CDH4: variants seen among roughly 807,000 people sequenced by gnomAD.
CDH4 encodes the protein cadherin 4, also known as cadherin-4.
In CDH4, 33 loss-of-function variants were observed where a neutral mutation model predicts 86.0. That is an observed-to-expected ratio of 0.38 (90% CI 0.29 to 0.51). The LOEUF is 0.51. Among genes scored for constraint, CDH4 ranks in the 20% least tolerant of loss-of-function variants. The pLI is 0.86. For missense variants in CDH4, 1,114 were observed against 1,307.4 expected, an observed-to-expected ratio of 0.85 and a Z score of 2.28; for synonymous variants, 555 against 549.4, an observed-to-expected ratio of 1.01 and a Z score of -0.14.
chr20:61,536,707 A>G (rs1224179583), intron 2 of CDH4, among the ~76,000 whole-genome samples: 4 of 152,250 alleles, frequency 2.6e-5, no homozygotes, highest in Non-Finnish European at 4.4e-5. Context: ...GCCTACATAC[A>G]TACATATACA....
chr20:61,626,078 C>G (rs1226270890), intron 2 of CDH4, among the ~76,000 whole-genome samples: 1 of 152,204 alleles, frequency 6.6e-6, no homozygotes, highest in Non-Finnish European at 1.5e-5. Context: ...GAGCACTTAC[C>G]GTGTGTCTGG....
intron 2 of CDH4, among the ~76,000 whole-genome samples, chr20:61,656,246 CGCGTGCTGGGGTGG>C (rs2087186438): frequency 1.1e-4 from 14 of 127,312 alleles, no homozygotes; most frequent in East Asian, 2.6e-4. Context: ...GGTGGGCAGG[CGCGTGCTGGGGTGG>C]GCAGGCGCGT....
intron 2 of CDH4, among the ~76,000 whole-genome samples, chr20:61,349,910 AGCGAGTGGTG>A (rs1318338709): frequency 2.6e-5 from 4 of 152,130 alleles, no homozygotes; most frequent in African/African-American, 9.7e-5. Flanking sequence ...CTACCATTCG[AGCGAGTGGTG>A]GCCTCAGTGC....
chr20:61,300,099 A>T, intron 2 of CDH4, among the ~76,000 whole-genome samples: 1 of 152,058 alleles, frequency 6.6e-6, no homozygotes, highest in East Asian at 1.9e-4. Flanking sequence ...CTGGTGTAAA[A>T]ACAGAGACGT....
chr20:61,532,344 C>T (rs1043548989), intron 2 of CDH4, among the ~76,000 whole-genome samples: 1 of 152,138 alleles, frequency 6.6e-6, no homozygotes, highest in African/African-American at 2.4e-5. Context: ...GAAGGAGGTC[C>T]CATGTGTGGG....
intron 2 of CDH4, among the ~76,000 whole-genome samples, chr20:61,421,753 C>A (rs373008742): frequency 2.0e-5 from 3 of 152,350 alleles, no homozygotes; most frequent in Admixed American, 6.5e-5. Flanking sequence ...AGGGGCAGGG[C>A]ATGTGCAGAA....
chr20:61,665,215 C>T (rs950778678), intron 2 of CDH4, among the ~76,000 whole-genome samples: 77 of 152,314 alleles, frequency 5.1e-4, no homozygotes, highest in African/African-American at 1.7e-3. Flanking sequence ...GACGGGAAGG[C>T]GAGCACCATG....
intron 2 of CDH4, among the ~76,000 whole-genome samples, chr20:61,597,685 G>A (rs1408090728): frequency 1.3e-5 from 2 of 152,358 alleles, no homozygotes; most frequent in South Asian, 2.1e-4. Context: ...GTGGGTGGGA[G>A]GCAGGGGCAG....
intron 2 of CDH4, among the ~76,000 whole-genome samples, chr20:61,376,684 G>T (rs899923744): frequency 1.1e-4 from 17 of 152,186 alleles, no homozygotes; most frequent in Non-Finnish European, 2.9e-5. Flanking sequence ...CCCTCCTGTG[G>T]ATCCTTCTGT....
At chr20:61,492,409 G>A (rs2085633032) in intron 2 of CDH4, among the ~76,000 whole-genome samples, 1 of 151,678 alleles carries the variant, frequency 6.6e-6, no homozygotes. Flanking sequence ...GTTGATGGTG[G>A]TGGTATTGAT....
At chr20:61,896,026 C>T (rs1415880228) in intron 8 of CDH4, among the ~76,000 whole-genome samples, 3 of 152,222 alleles carry the variant, frequency 2.0e-5, no homozygotes, top group African/African-American at 4.8e-5. Flanking sequence ...CTTCTCTGCT[C>T]CTACCACCAT....
intron 2 of CDH4, among the ~76,000 whole-genome samples, chr20:61,356,867 A>G (rs2123311644): frequency 6.6e-6 from 1 of 152,350 alleles, no homozygotes; most frequent in South Asian, 2.1e-4. Flanking sequence ...GACAGATTTG[A>G]AAGATGTGAA....
At chr20:61,502,013 G>A (rs1053970604) in intron 2 of CDH4, among the ~76,000 whole-genome samples, 2 of 151,450 alleles carry the variant, frequency 1.3e-5, no homozygotes, top group African/African-American at 4.9e-5. Flanking sequence ...AGGGCTGTGG[G>A]TCACAGTTTC....
intron 5 of CDH4, among the ~76,000 whole-genome samples, chr20:61,850,209 C>G (rs563396626): frequency 6.6e-6 from 1 of 152,354 alleles, no homozygotes; most frequent in Admixed American, 6.5e-5. Flanking sequence ...GTTTTCTAAC[C>G]TTTCTGAGCC....
intron 6 of CDH4, among the ~76,000 whole-genome samples, chr20:61,873,048 G>A (rs2146147828): frequency 6.6e-6 from 1 of 152,348 alleles, no homozygotes; most frequent in Middle Eastern, 3.4e-3. Flanking sequence ...GTGCACTATA[G>A]ACCTCAACCC....
At chr20:61,521,003 G>A (rs931385125) in intron 2 of CDH4, among the ~76,000 whole-genome samples, 2 of 152,160 alleles carry the variant, frequency 1.3e-5, no homozygotes, top group South Asian at 2.1e-4. Flanking sequence ...ACACAGGAGG[G>A]TCTCCCAGGC....
chr20:61,934,795 C>T (rs951796353), intron 15 of CDH4, among the ~76,000 whole-genome samples: 2 of 151,816 alleles, frequency 1.3e-5, no homozygotes, highest in African/African-American at 4.8e-5. Context: ...GGCTGCCTTC[C>T]AGGGCTGCCG....
In CDH4 at chr20:61,265,888, G is replaced by T. The variant is rs138898358; in HGVS notation, c.169+10951G>T. Among the ~76,000 whole-genome samples the T allele has an allele frequency of 3.7e-3, 566 of 152,318 alleles. 4 individuals carry two copies. Among genetic ancestry groups the T allele is most frequent in the African/African-American group, 0.013 (544 of 41,570 alleles). ...CTCCTGCCACCTGCCTTATCCAGTGGCTATAATTAGGACTCAGAGGGGCAG... is the reference window on the plus strand; with the variant it reads ...CTCCTGCCACCTGCCTTATCCAGTGTCTATAATTAGGACTCAGAGGGGCAG... On this transcript the variant is annotated intron_variant, in intron 2 of 15. Coordinates refer to ENST00000614565, the MANE Select transcript of CDH4 (RefSeq NM_001794.5).
At chr20:61,761,732 G>A (rs145504792) in intron 3 of CDH4, among the ~76,000 whole-genome samples, 2 of 152,316 alleles carry the variant, frequency 1.3e-5, no homozygotes, top group African/African-American at 4.8e-5. Flanking sequence ...AGTGAATAAC[G>A]CGCAGAAGAC....
Sources: allele counts gnomAD v4.1 joint callset (sites outside exome capture counted in the v4.1 genomes callset), GRCh38; gene constraint gnomAD v4.1.1; transcripts MANE v1.5; gene names NCBI Gene and HGNC (gene_info 2026-07-23, HGNC 2026-07-21).